DLGAP2: variants seen among roughly 807,000 people sequenced by gnomAD.
DLGAP2 encodes disks large-associated protein 2.
In DLGAP2, 26 loss-of-function variants were observed where a neutral mutation model predicts 100.3. That is an observed-to-expected ratio of 0.26 (90% confidence interval 0.19 to 0.36). DLGAP2 has a LOEUF of 0.36. DLGAP2 is among the 10% of genes least tolerant of loss of function. The pLI is 1.00. For missense variants in DLGAP2, 1,858 were observed against 1,453.2 expected, an observed-to-expected ratio of 1.28 and a Z score of -4.53; for synonymous variants, 886 against 630.1, an observed-to-expected ratio of 1.41 and a Z score of -6.08.
chr8:1,658,717 A>G (rs926099895), intron 8 of DLGAP2, among the ~76,000 whole-genome samples: 1 of 151,956 alleles, frequency 6.6e-6, no homozygotes, highest in African/African-American at 2.4e-5. Context: ...TATTGTGTCT[A>G]TTTGATTCTT....
chr8:1,552,078 A>G (rs936266579), intron 5 of DLGAP2, among the ~76,000 whole-genome samples: 11 of 151,896 alleles, frequency 7.2e-5, no homozygotes, highest in Non-Finnish European at 1.5e-4. Flanking sequence ...GTCATTCCAG[A>G]CACTCTGGTC....
chr8:848,433 G>A (rs1396036703), intron 1 of DLGAP2, among the ~76,000 whole-genome samples: 2 of 72,238 alleles, frequency 2.8e-5, no homozygotes, highest in African/African-American at 5.4e-5. Flanking sequence ...GTGTAGGGTC[G>A]TGCGGTGCGT....
intron 3 of DLGAP2, among the ~76,000 whole-genome samples, chr8:1,471,934 G>A (rs1395026824): frequency 6.6e-6 from 1 of 152,224 alleles, no homozygotes; most frequent in South Asian, 2.1e-4. Flanking sequence ...CACTTCTTGT[G>A]CCCAGTACAA....
At chr8:1,509,532 G>A (rs1424401877) in intron 4 of DLGAP2, among the ~76,000 whole-genome samples, 2 of 151,964 alleles carry the variant, frequency 1.3e-5, no homozygotes, top group East Asian at 1.9e-4. Context: ...AGCCATCAGG[G>A]TGGTGCAGAG....
intron 1 of DLGAP2, among the ~76,000 whole-genome samples, chr8:783,270 T>G (rs1201788830): frequency 6.6e-6 from 1 of 152,238 alleles, no homozygotes; most frequent in East Asian, 1.9e-4. Flanking sequence ...ATGGTTTGCC[T>G]GCACTCTGTT....
At chr8:1,036,082 G>C (rs1482562830) in intron 2 of DLGAP2, among the ~76,000 whole-genome samples, 6 of 83,074 alleles carry the variant, frequency 7.2e-5, no homozygotes, top group Admixed American at 1.4e-4. Context: ...TGGGTTCACA[G>C]CCTCATCCCG....
intron 2 of DLGAP2, among the ~76,000 whole-genome samples, chr8:1,036,746 G>A (rs1030017042): frequency 6.6e-6 from 1 of 152,166 alleles, no homozygotes; most frequent in Non-Finnish European, 1.5e-5. Context: ...AGCGGAGCGT[G>A]GAGTGAACAG....
intron 1 of DLGAP2, among the ~76,000 whole-genome samples, chr8:817,860 G>A (rs557071997): frequency 2.0e-5 from 3 of 152,308 alleles, no homozygotes; most frequent in South Asian, 2.1e-4. Flanking sequence ...CTGCTCCGGC[G>A]GAGGGGGCAG....
intron 3 of DLGAP2, among the ~76,000 whole-genome samples, chr8:1,310,203 A>T (rs1405971672): frequency 6.6e-6 from 1 of 152,220 alleles, no homozygotes; most frequent in African/African-American, 2.4e-5. Flanking sequence ...CAGGAAATAA[A>T]AGGGAAATCA....
At chr8:848,388 G>GTGTTCCAGTGTAGGGTCGTGCAGTGCC (rs1797112677) in intron 1 of DLGAP2, among the ~76,000 whole-genome samples, 1 of 114,638 alleles carries the variant, frequency 8.7e-6, no homozygotes, top group Non-Finnish European at 1.9e-5. Context: ...CGTGCGGTGC[G>GTGTTCCAGTGTAGGGTCGTGCAGTGCC]TGTTCCAGTG....
chr8:1,512,447 T>C (rs1177743893), intron 4 of DLGAP2, among the ~76,000 whole-genome samples: 1 of 152,082 alleles, frequency 6.6e-6, no homozygotes, highest in African/African-American at 2.4e-5. Context: ...GCCGTGGGTG[T>C]GGCAGTTCCG....
chr8:1,263,354 G>T (rs1799388919), intron 3 of DLGAP2, among the ~76,000 whole-genome samples: 1 of 152,002 alleles, frequency 6.6e-6, no homozygotes, highest in African/African-American at 2.4e-5. Flanking sequence ...TTTTTACTTT[G>T]GTTATTGGAA....
intron 3 of DLGAP2, among the ~76,000 whole-genome samples, chr8:1,350,336 T>C (rs57393870): frequency 0.028 from 2,030 of 73,646 alleles, 320 homozygotes; most frequent in East Asian, 0.13. Flanking sequence ...GGAAAGGCCG[T>C]GCGGGTCCTG....
chr8:1,072,073 C>G (rs568957459), intron 2 of DLGAP2, among the ~76,000 whole-genome samples: 1 of 152,320 alleles, frequency 6.6e-6, no homozygotes, highest in South Asian at 2.1e-4. Flanking sequence ...ATCTTTGGCT[C>G]CGTCCTGCCA....
At chr8:1,506,029 T>C (rs972320260) in intron 4 of DLGAP2, among the ~76,000 whole-genome samples, 18 of 152,210 alleles carry the variant, frequency 1.2e-4, no homozygotes, top group African/African-American at 4.1e-4. Context: ...TGTGTAATTT[T>C]GAAATACCTG....
intron 2 of DLGAP2, among the ~76,000 whole-genome samples, chr8:1,201,091 G>C (rs148653026): frequency 6.6e-6 from 1 of 152,216 alleles, no homozygotes; most frequent in Non-Finnish European, 1.5e-5. Context: ...CCAGCACTGG[G>C]GAGGCTGCTC....
intron 6 of DLGAP2, chr8:1,622,403 T>A (rs1797368160): frequency 6.6e-6 from 1 of 152,260 alleles, no homozygotes; most frequent in Admixed American, 6.5e-5. Flanking sequence ...TTTTCAAGCA[T>A]GTTTAGATGG....
At chr8:1,583,238 C>G (rs887269180) in intron 6 of DLGAP2, among the ~76,000 whole-genome samples, 25 of 152,320 alleles carry the variant, frequency 1.6e-4, no homozygotes, top group African/African-American at 4.8e-4. Context: ...AGCCTCTTCT[C>G]CCTCCCATCT....
chr8:1,589,990 A>G (rs754716348), intron 6 of DLGAP2, among the ~76,000 whole-genome samples: 33 of 152,262 alleles, frequency 2.2e-4, no homozygotes, highest in Non-Finnish European at 2.1e-4. Flanking sequence ...GGGAGCCAGA[A>G]GTCTGAAATC....
Sources: gnomAD v4.1 joint callset for allele counts (sites outside exome capture counted in the v4.1 genomes callset) on GRCh38, gnomAD v4.1.1 for gene constraint, MANE v1.5 for transcripts, NCBI Gene and HGNC (gene_info 2026-07-23, HGNC 2026-07-21) for gene names.